TMTC4: variants seen among roughly 807,000 people sequenced by gnomAD.
The protein encoded by TMTC4 is protein O-mannosyl-transferase TMTC4.
A neutral mutation model predicts 86.0 loss-of-function variants in TMTC4; 65 were observed. The observed-to-expected ratio is 0.76, with a 90% CI of 0.62 to 0.93. The LOEUF (loss-of-function observed/expected upper bound fraction) is 0.93, where lower values mean the gene tolerates loss of function less well. Among genes scored for constraint, TMTC4 ranks in the 40% least tolerant of loss-of-function variants. The pLI is 0.00. For synonymous variants in TMTC4, 379 were observed against 382.5 expected (o/e 0.99, Z 0.11); for missense variants, 866 against 948.1 (o/e 0.91, Z 1.14).
At chr13:100,639,974 T>A (rs920880061) in intron 7 of TMTC4, among the ~76,000 whole-genome samples, 3 of 150,200 alleles carry the variant, frequency 2.0e-5, no homozygotes, top group Non-Finnish European at 3.0e-5. Flanking sequence ...TAAAATAAAA[T>A]AAAAAATAAA....
chr13:100,634,532 G>A (rs896461968), intron 12 of TMTC4, among the ~76,000 whole-genome samples: 3 of 152,094 alleles, frequency 2.0e-5, no homozygotes, highest in Non-Finnish European at 4.4e-5. Context: ...AGGGTGAGTA[G>A]ATCATCTGGA....
At chr13:100,628,264 C>T (rs1880842438) in intron 12 of TMTC4, among the ~76,000 whole-genome samples, 1 of 152,226 alleles carries the variant, frequency 6.6e-6, no homozygotes. Context: ...ATTTGACTCC[C>T]ACGTGCCTCA....
In TMTC4 at chr13:100,664,235, G is replaced by T; in HGVS notation, c.321C>A (p.Thr107=). Residue 107 remains threonine, a synonymous_variant, in exon 4 of 19, where the codon ACC becomes ACA. Coordinates refer to ENST00000342624, the MANE Select transcript of TMTC4 (RefSeq NM_032813.5). ...TCACAGCTTACCTGAAAGTCAGGACGGTGAGAGGCCGGTAGGACTTGTGGC... is the reference window on the plus strand; with the variant it reads ...TCACAGCTTACCTGAAAGTCAGGACTGTGAGAGGCCGGTAGGACTTGTGGC... The part of the protein sequence containing the change: ...NTSHKSYRPL[T]VLTFRINYYL... The T allele has an allele frequency of 1.2e-6, 2 of 1,610,716 alleles. No homozygotes were observed. Among genetic ancestry groups the T allele is most frequent in the Non-Finnish European group, 1.7e-6 (2 of 1,178,428 alleles).
intron 5 of TMTC4, among the ~76,000 whole-genome samples, chr13:100,660,857 T>C (rs927681990): frequency 2.6e-5 from 4 of 152,132 alleles, no homozygotes; most frequent in African/African-American, 9.7e-5. Flanking sequence ...TTTCGCCATG[T>C]TGGCCAGGCT....
At chr13:100,634,636 G>T (rs1191522694) in intron 12 of TMTC4, among the ~76,000 whole-genome samples, 169 bp downstream of exon 12, 1 of 151,780 alleles carries the variant, frequency 6.6e-6, no homozygotes, top group African/African-American at 2.4e-5. Flanking sequence ...GAATTTTAAT[G>T]AATCTTATCA....
intron 17 of TMTC4, among the ~76,000 whole-genome samples, chr13:100,612,041 G>C (rs1236058725): frequency 6.6e-6 from 1 of 152,228 alleles, no homozygotes; most frequent in Non-Finnish European, 1.5e-5. Context: ...TGGGGCAGGG[G>C]CACCTCCGGG....
intron 12 of TMTC4, 132 bp downstream of exon 12, chr13:100,634,673 C>A: frequency 2.5e-6 from 3 of 1,186,152 alleles, no homozygotes; most frequent in South Asian, 2.2e-5. Context: ...CCATACATAA[C>A]AAAGAAAAAC....
At chr13:100,655,016 A>ATTTTTTTTTTTTTTTTTTTT (rs35965658) in intron 6 of TMTC4, among the ~76,000 whole-genome samples, 2 of 118,656 alleles carry the variant, frequency 1.7e-5, no homozygotes, top group African/African-American at 3.2e-5. Context: ...CACAACGCCT[A>ATTTTTTTTTTTTTTTTTTTT]TTTTTTTTTT....
At chr13:100,631,655 A>C (rs1034420140) in intron 12 of TMTC4, among the ~76,000 whole-genome samples, 1 of 152,150 alleles carries the variant, frequency 6.6e-6, no homozygotes, top group Non-Finnish European at 1.5e-5. Context: ...TCTCTCAAAA[A>C]AGATGAGTCT....
At chr13:100,629,377 G>A (rs144360752) in intron 12 of TMTC4, among the ~76,000 whole-genome samples, 19 of 152,208 alleles carry the variant, frequency 1.2e-4, no homozygotes, top group Non-Finnish European at 2.2e-4. Flanking sequence ...AGCTGGGAGC[G>A]GTGTTGCGTG....
chr13:100,643,938 G>A (rs1883365760), intron 6 of TMTC4, among the ~76,000 whole-genome samples: 1 of 152,060 alleles, frequency 6.6e-6, no homozygotes, highest in African/African-American at 2.4e-5. Flanking sequence ...ACTGCCTGCT[G>A]GGGAAATTAA....
intron 3 of TMTC4, among the ~76,000 whole-genome samples, chr13:100,667,506 C>G (rs1886531243): frequency 6.6e-6 from 1 of 152,074 alleles, no homozygotes; most frequent in Admixed American, 6.6e-5. Context: ...AGATCAACTG[C>G]AATATTATAT....
chr13:100,618,522 G>C (rs1184678330), intron 15 of TMTC4, among the ~76,000 whole-genome samples: 12 of 145,874 alleles, frequency 8.2e-5, no homozygotes, highest in Non-Finnish European at 1.3e-4. Context: ...GATCATTCTT[G>C]GGTGTTTCTC....
intron 12 of TMTC4, 112 bp downstream of exon 12, chr13:100,634,693 C>T (rs1283418787): frequency 1.0e-5 from 13 of 1,277,260 alleles, no homozygotes; most frequent in African/African-American, 1.5e-5. Flanking sequence ...CCCAAGTATT[C>T]GGTCATGGTC....
chr13:100,606,319 C>T (rs772098437), intron 18 of TMTC4, 39 bp downstream of exon 18: 56 of 1,584,920 alleles, frequency 3.5e-5, no homozygotes, highest in Non-Finnish European at 4.7e-5. Flanking sequence ...ATTAAAGTAA[C>T]AAAATTTCAA....
chr13:100,626,212 A>T (rs1880505780), intron 12 of TMTC4, 62 bp from the exon 13 acceptor site: 1 of 1,516,886 alleles, frequency 6.6e-7, no homozygotes, highest in Non-Finnish European at 9.2e-7. Context: ...CCTGGACCCC[A>T]TCACATCTTC....
In TMTC4 at chr13:100,614,421, G is replaced by T; in HGVS notation, c.1846C>A (p.Leu616Ile). The T allele has an allele frequency of 6.2e-7, 1 of 1,609,814 alleles. No individual in the cohort carries two copies. Among genetic ancestry groups the T allele is most frequent in the South Asian group, 1.1e-5 (1 of 90,932 alleles). Residue 616 changes from leucine to isoleucine, a missense_variant, in exon 16 of 19, where the codon CTC becomes ATC. Coordinates refer to ENST00000342624, the MANE Select transcript of TMTC4 (RefSeq NM_032813.5). ...TTCAAGGCATCCACGTGGCGATTGA[G>T]ATCTGCATACTGAAAATAAAACACA... ...YYNLGRLYAD[L>I]NRHVDALNAW...
chr13:100,640,990 G>A (rs1324815781), intron 7 of TMTC4, among the ~76,000 whole-genome samples: 1 of 152,016 alleles, frequency 6.6e-6, no homozygotes, highest in East Asian at 1.9e-4. Flanking sequence ...TTTAATCCTA[G>A]CATCTACTCA....
chr13:100,645,571 C>CGT lies in TMTC4; in HGVS notation c.641-3261_641-3260insAC, dbSNP rs1394217401. On this transcript the variant is annotated intron_variant, in intron 6 of 18. Coordinates refer to ENST00000342624, the MANE Select transcript of TMTC4 (RefSeq NM_032813.5). ...CCTGTGAGCAGGTGAGCCCCGTGCA[C>CGT]CTCTCCATGTCCCTGACTGCCCCTG... is the stretch of plus-strand genomic sequence containing the variant. Among the ~76,000 whole-genome samples, 418 of 151,964 alleles carry CGT rather than the reference C, an allele frequency of 2.8e-3. 10 individuals are homozygous for CGT. The highest frequency in any genetic ancestry group is 4.3e-3 in the Non-Finnish European group (294 of 67,940).
Sources: allele counts gnomAD v4.1 joint callset (sites outside exome capture counted in the v4.1 genomes callset), GRCh38; gene constraint gnomAD v4.1.1; transcripts MANE v1.5; gene names NCBI Gene and HGNC (gene_info 2026-07-23, HGNC 2026-07-21).